TTC8: variants seen among roughly 807,000 people sequenced by gnomAD.
TTC8 encodes the protein tetratricopeptide repeat domain 8.
In TTC8, 47 loss-of-function variants were observed where a neutral mutation model predicts 72.5. The ratio of observed to expected loss-of-function variants is 0.65; its 90% confidence interval spans 0.51 to 0.83. The LOEUF (loss-of-function observed/expected upper bound fraction) is 0.83. Ranked by LOEUF, TTC8 falls within the 40% of genes least tolerant of loss-of-function variation. TTC8 has a pLI of 0.00. For synonymous variants in TTC8, 199 were observed against 221.4 expected, an observed-to-expected ratio of 0.90 and a Z score of 0.90; for missense variants, 611 against 623.2, an observed-to-expected ratio of 0.98 and a Z score of 0.21.
In TTC8 at chr14:88,871,676, G is replaced by T; in HGVS notation, c.1177G>T (p.Glu393Ter). The change falls in exon 12 of 15, where the codon GAA becomes TAA. Residue 393 changes from glutamate to a stop codon, truncating the protein, a stop_gained. Transcript: ENST00000380656. LOFTEE classifies it high-confidence loss of function. The surrounding 1 kb of genome is among the most constrained non-coding windows in gnomAD (Gnocchi z 4.1). The part of the protein sequence containing the change: ...FERALSLAEN[E>*]EEAADVWYNL... Reference sequence around the variant, plus strand: ...ACGTGCCCTTTCTTTGGCTGAAAATGAAGAAGAGGCAGCTGATGTCTGGTA... The same window carrying T: ...ACGTGCCCTTTCTTTGGCTGAAAATTAAGAAGAGGCAGCTGATGTCTGGTA... The T allele has an allele frequency of 6.2e-7, 1 of 1,614,144 alleles. No homozygotes were observed. The highest frequency in any genetic ancestry group is 8.5e-7 in the Non-Finnish European group (1 of 1,180,006).
intron 14 of TTC8, 92 bp from the exon 15 acceptor site, chr14:88,877,202 G>A (rs1489305959): frequency 4.5e-6 from 4 of 888,210 alleles, no homozygotes; most frequent in African/African-American, 1.7e-5. Flanking sequence ...AATTTCTACA[G>A]CATGCAGATA....
chr14:88,869,414 G>A (rs1037108985), intron 10 of TTC8, among the ~76,000 whole-genome samples: 1 of 151,378 alleles, frequency 6.6e-6, no homozygotes, highest in African/African-American at 2.4e-5. Flanking sequence ...TCCTATTTTG[G>A]TATGTCTAGC....
At chr14:88,827,945 G>C (rs2094708965) in intron 1 of TTC8, among the ~76,000 whole-genome samples, 1 of 152,116 alleles carries the variant, frequency 6.6e-6, no homozygotes, top group East Asian at 1.9e-4. Context: ...CAGGCACACA[G>C]GGGCTTTTGA....
At chr14:88,830,914 C>T (rs993343398) in intron 1 of TTC8, 2 of 456,072 alleles carry the variant, frequency 4.4e-6, no homozygotes, top group Non-Finnish European at 8.8e-6. Context: ...CATGCCTGTC[C>T]TTGGTCTCTC....
At chr14:88,830,971 A>G (rs1290838704) in intron 1 of TTC8, 5 of 454,866 alleles carry the variant, frequency 1.1e-5, no homozygotes, top group Non-Finnish European at 8.8e-6. Context: ...CATCCCACAT[A>G]CTCAGCAGAG....
intron 10 of TTC8, among the ~76,000 whole-genome samples, chr14:88,866,403 ACACACACACACG>A (rs879849696): frequency 6.6e-6 from 1 of 151,640 alleles, no homozygotes; most frequent in Non-Finnish European, 1.5e-5. Context: ...ACACACACAC[ACACACACACACG>A]CACACACAAA....
At chr14:88,828,818 A>T (rs2094713411) in intron 1 of TTC8, among the ~76,000 whole-genome samples, 2 of 152,200 alleles carry the variant, frequency 1.3e-5, no homozygotes, top group African/African-American at 2.4e-5. Context: ...GACTATTTAT[A>T]TGCATTTATT....
intron 7 of TTC8, among the ~76,000 whole-genome samples, chr14:88,848,104 CAA>C (rs1363278676): frequency 1.9e-5 from 2 of 103,474 alleles, no homozygotes; most frequent in South Asian, 3.3e-4. Flanking sequence ...GCCTGGGCGA[CAA>C]GAGCGAAACT....
intron 2 of TTC8, among the ~76,000 whole-genome samples, chr14:88,835,809 G>C (rs1021094964): frequency 6.6e-6 from 1 of 151,810 alleles, no homozygotes; most frequent in East Asian, 1.9e-4. Flanking sequence ...AGGATTTTAG[G>C]GATGTGAAAC....
At position 88,841,026 on chromosome 14, in the gene TTC8, A is replaced by G. The variant is rs1315505100; in HGVS notation, c.330-11A>G. 6.2e-7 allele frequency: 1 copy of G among 1,613,960 alleles called. No individual in the cohort carries two copies. Among genetic ancestry groups the G allele is most frequent in the African/African-American group, 1.3e-5 (1 of 74,894 alleles). The stretch of plus-strand genomic sequence containing the variant: ...TCTTCTTTGTATTATAACAATTTAT[A>G]ATCTTCACAGGCCAATCACACAAGC... On this transcript the variant is annotated splice_polypyrimidine_tract_variant and intron_variant, in intron 4 of 14. Coordinates refer to ENST00000380656, the MANE Select transcript of TTC8 (RefSeq NM_144596.4).
Position 88,870,069 on chromosome 14 carries a change from A to C in TTC8, c.920A>C (p.Asn307Thr). ...GIARIYEEMN[N>T]MSSAAEYYKE... ...CTTGATGGAGAATAGGAAATGAACA[A>C]TATGTCATCAGCAGCAGAATATTAC... Residue 307 changes from asparagine to threonine, a missense_variant, in exon 11 of 15, where the codon AAT becomes ACT. By Grantham distance (65) the Asn-to-Thr change is moderately conservative. Coordinates refer to ENST00000380656, the MANE Select transcript of TTC8 (RefSeq NM_144596.4). 6.2e-7 allele frequency: 1 copy of C among 1,613,990 alleles called. No individual in the cohort carries two copies. The highest frequency in any genetic ancestry group is 8.5e-7 in the Non-Finnish European group (1 of 1,179,926).
intron 1 of TTC8, among the ~76,000 whole-genome samples, chr14:88,826,056 C>T (rs771822489): frequency 2.6e-5 from 4 of 151,864 alleles, no homozygotes; most frequent in South Asian, 2.1e-4. Context: ...GGCGCGATCT[C>T]GGCTGTCTGC....
chr14:88,862,018 T>C (rs1184454071), intron 10 of TTC8, among the ~76,000 whole-genome samples: 1 of 152,196 alleles, frequency 6.6e-6, no homozygotes. Flanking sequence ...CTGGATCATA[T>C]GGTAGGTCTA....
At chr14:88,843,922 T>G in intron 7 of TTC8, 72 bp downstream of exon 7, 1 of 1,094,786 alleles carries the variant, frequency 9.1e-7, no homozygotes, top group African/African-American at 1.6e-5. Flanking sequence ...TTCTGAAATA[T>G]TCTATTTCTG....
intron 14 of TTC8, 97 bp from the exon 15 acceptor site, chr14:88,877,197 C>A: frequency 1.1e-6 from 1 of 870,706 alleles, no homozygotes; most frequent in Non-Finnish European, 1.9e-6. Context: ...CTTTGAATTT[C>A]TACAGCATGC....
At chr14:88,851,140 G>A (rs1269799096) in intron 7 of TTC8, among the ~76,000 whole-genome samples, 1 of 152,104 alleles carries the variant, frequency 6.6e-6, no homozygotes, top group Non-Finnish European at 1.5e-5. Flanking sequence ...TTGGAAAATA[G>A]GCTGCATTAT....
intron 3 of TTC8, chr14:88,840,039 T>G (rs1371942956): frequency 5.8e-6 from 1 of 172,054 alleles, no homozygotes; most frequent in Admixed American, 5.5e-5. Context: ...TAATCGAACA[T>G]GATTTGCTCT....
chr14:88,848,322 G>GA (rs1271141010), intron 7 of TTC8, among the ~76,000 whole-genome samples: 5 of 151,566 alleles, frequency 3.3e-5, no homozygotes, highest in East Asian at 1.9e-4. Flanking sequence ...TATGAAATTA[G>GA]AAAAAAAATC....
At chr14:88,829,254 A>G (rs564029429) in intron 1 of TTC8, among the ~76,000 whole-genome samples, 1 of 152,356 alleles carries the variant, frequency 6.6e-6, no homozygotes, top group African/African-American at 2.4e-5. Flanking sequence ...TTCATAGAGA[A>G]GCATTATCTT....
Sources: allele counts gnomAD v4.1 joint callset (sites outside exome capture counted in the v4.1 genomes callset), GRCh38; gene constraint gnomAD v4.1.1; non-coding constraint Gnocchi (gnomAD v3.1); transcripts MANE v1.5; gene names NCBI Gene and HGNC (gene_info 2026-07-23, HGNC 2026-07-21).